The following TMBIM4 variants were observed in gnomAD, a reference collection of about 807,000 sequenced individuals.
TMBIM4 encodes the protein protein lifeguard 4.
TMBIM4 carries 28 observed loss-of-function variants against 27.7 expected under a neutral mutation model. The ratio of observed to expected loss-of-function variants is 1.01; its 90% confidence interval spans 0.75 to 1.38. The LOEUF is 1.38. Ranked by LOEUF, TMBIM4 falls within the 40% of genes most tolerant of loss-of-function variation. TMBIM4 has a pLI of 0.00. For missense variants in TMBIM4, 265 were observed against 277.5 expected, an observed-to-expected ratio of 0.95 and a Z score of 0.32; for synonymous variants, 115 against 113.1, an observed-to-expected ratio of 1.02 and a Z score of -0.11.
At chr12:66,156,206 A>C (rs934039786) in intron 1 of TMBIM4, among the ~76,000 whole-genome samples, 17 of 152,202 alleles carry the variant, frequency 1.1e-4, no homozygotes, top group African/African-American at 3.4e-4. Flanking sequence ...AAGATTTTCC[A>C]ATTTTTGTTG....
chr12:66,150,654 A>T (rs1344216750), intron 3 of TMBIM4, among the ~76,000 whole-genome samples: 2 of 151,924 alleles, frequency 1.3e-5, no homozygotes, highest in African/African-American at 4.8e-5. Context: ...CTCAAGCAAC[A>T]TGCCTGCCCC....
rs1266213939 is a variant in TMBIM4 at position 66,155,374 on chromosome 12, C to G, written c.98-1926G>C. Among the ~76,000 whole-genome samples the G allele has an allele frequency of 2.2e-5, 2 of 92,648 alleles. 1 individual carries two copies. The highest frequency in any genetic ancestry group is 8.7e-4 in the South Asian group (2 of 2,290). The allele number at this position is 92,648 out of a possible 152,430, so 60.8% of individuals were successfully genotyped here. A position where few individuals can be genotyped will look rare whatever the true frequency, so the allele number is the denominator to read the frequency against. ...AGAGAGAGAGAGGCAGGGTCTCACT[C>G]TGTCACCCAGGCTTAAGTGCAGTGG... is the stretch of plus-strand genomic sequence containing the variant. On this transcript the variant is annotated intron_variant, in intron 1 of 6. Coordinates refer to ENST00000358230, the MANE Select transcript of TMBIM4 (RefSeq NM_016056.4).
chr12:66,166,464 C>CAA (rs59822799), intron 1 of TMBIM4, among the ~76,000 whole-genome samples: 4,279 of 100,316 alleles, frequency 0.043, 290 homozygotes, highest in African/African-American at 0.15. Context: ...TACTTTGTCT[C>CAA]AAAAAAAAAA....
chr12:66,167,602 G>A (rs1285907395), intron 1 of TMBIM4, among the ~76,000 whole-genome samples: 1 of 152,138 alleles, frequency 6.6e-6, no homozygotes, highest in Non-Finnish European at 1.5e-5. Flanking sequence ...AGAAAGAAAA[G>A]AACGGAATGT....
chr12:66,149,461 AAAAG>A (rs1441263001), intron 3 of TMBIM4, among the ~76,000 whole-genome samples: 22 of 151,272 alleles, frequency 1.5e-4, no homozygotes, highest in Admixed American at 4.0e-4. Flanking sequence ...AAAAAAAAAA[AAAAG>A]AAAGAAAGAA....
rs1453851444 is a variant in TMBIM4 at position 66,138,017 on chromosome 12, A to C, written c.660T>G (p.Asp220Glu). ...ACAGGTGCAGGAATAGATTGATGAT[A>C]TCCAAGTAGAGGCTGATGGCAGCTA... ...YVLAAISLYL[D>E]IINLFLHLLR... Residue 220 changes from aspartate (D) to glutamate (E), a missense_variant, in exon 7 of 7, where the codon GAT (aspartate) becomes GAG (glutamate). By Grantham distance (45) the Asp-to-Glu change is conservative. Coordinates refer to ENST00000358230, the MANE Select transcript of TMBIM4 (RefSeq NM_016056.4). 2 of 1,614,098 alleles carry C rather than the reference A, an allele frequency of 1.2e-6. No homozygotes were observed. The highest frequency in any genetic ancestry group is 1.1e-5 in the South Asian group (1 of 91,080).
rs544152868 is a variant in TMBIM4 at position 66,147,997 on chromosome 12, T to C, written c.313-56A>G. 1.3e-4 allele frequency: 192 copies of C among 1,508,328 alleles called. No homozygotes were observed. In the African/African-American group the frequency reaches 2.4e-3, roughly 19 times the overall value. The allele number at this position is 1,508,328 out of a possible 1,614,324, so 93.4% of individuals were successfully genotyped here. A position where few individuals can be genotyped will look rare whatever the true frequency, so the allele number is the denominator to read the frequency against. Reference sequence around the variant, plus strand: ...TAAAATTTATACTATCTCATGTACATTTTCTAATTTCTAGCAGCTTAATGT... The same window carrying C: ...TAAAATTTATACTATCTCATGTACACTTTCTAATTTCTAGCAGCTTAATGT... On this transcript the variant is annotated intron_variant, in intron 3 of 6. Transcript: ENST00000358230.
Position 66,145,843 on chromosome 12 carries a change from T to G in TMBIM4, c.462A>C (p.Ala154=), listed in dbSNP as rs1441112456. ...ATCCAAGAATATATACAACTTACCC[T>G]GCTCCAAATTTGCTGAAATCCTTCT... The part of the protein sequence containing the change: ...QSKKDFSKFG[A]GLFALLWILC... The change falls in exon 5 of 7, where the codon GCA becomes GCC. Residue 154 remains alanine, a splice_region_variant and synonymous_variant. Transcript: ENST00000358230. 4 of 1,551,944 alleles carry G rather than the reference T, an allele frequency of 2.6e-6. No homozygotes were observed. Among genetic ancestry groups the G allele is most frequent in the Non-Finnish European group, 3.5e-6 (4 of 1,129,364 alleles).
chr12:66,143,294 A>G (rs1233833527), intron 5 of TMBIM4, among the ~76,000 whole-genome samples: 2 of 152,216 alleles, frequency 1.3e-5, no homozygotes, highest in African/African-American at 4.8e-5. Flanking sequence ...TGATTTTGCT[A>G]TTCTAACAAC....
chr12:66,156,431 C>T lies in TMBIM4; in HGVS notation c.98-2983G>A, dbSNP rs115504324. Among the ~76,000 whole-genome samples the T allele has an allele frequency of 3.5e-3, 529 of 152,300 alleles. 1 individual carries two copies. Among genetic ancestry groups the T allele is most frequent in the African/African-American group, 0.012 (501 of 41,558 alleles). On this transcript the variant is annotated intron_variant, in intron 1 of 6. Transcript: ENST00000358230. Reference sequence around the variant, plus strand: ...TGTAGTTCTACCTTTGAAAGTACAACGTATCTGCCTCTTTTGGTCTCCTCT... The same window carrying T: ...TGTAGTTCTACCTTTGAAAGTACAATGTATCTGCCTCTTTTGGTCTCCTCT...
intron 1 of TMBIM4, among the ~76,000 whole-genome samples, chr12:66,158,081 C>T (rs1016302596): frequency 1.3e-5 from 2 of 151,648 alleles, no homozygotes; most frequent in African/African-American, 4.8e-5. Context: ...AAAAACTTAG[C>T]TGGGCGTGGT....
intron 4 of TMBIM4, among the ~76,000 whole-genome samples, chr12:66,147,556 A>G (rs537407397): frequency 9.8e-5 from 15 of 152,362 alleles, no homozygotes; most frequent in Admixed American, 4.6e-4. Context: ...AGTTAAGCTC[A>G]TACATATGAT....
intron 1 of TMBIM4, among the ~76,000 whole-genome samples, chr12:66,159,730 C>G (rs2052003604): frequency 6.6e-6 from 1 of 152,162 alleles, no homozygotes. Flanking sequence ...ACCCTAAACG[C>G]TAGTTTCTAC....
rs1049633082 is a variant in TMBIM4 at position 66,137,438 on chromosome 12, C to T, written c.*522G>A. The T allele has an allele frequency of 6.6e-6, 1 of 151,872 alleles. No homozygotes were observed. Among genetic ancestry groups the T allele is most frequent in the Admixed American group, 6.6e-5 (1 of 15,258 alleles). The allele number at this position is 151,872 out of a possible 1,614,324, so 9.4% of individuals were successfully genotyped here. ...TTGAGACTGAGTCTCGCTCTGTCAC[C>T]AGGCTGGAATGCAGTGGCGTGATCT... On this transcript the variant is annotated 3_prime_UTR_variant, in exon 7 of 7. Transcript: ENST00000358230.
chr12:66,145,655 A>G (rs1241334547), intron 5 of TMBIM4, among the ~76,000 whole-genome samples, 186 bp downstream of exon 5: 1 of 152,104 alleles, frequency 6.6e-6, no homozygotes, highest in African/African-American at 2.4e-5. Flanking sequence ...AATAAGTCAA[A>G]GCCACTTTCC....
intron 1 of TMBIM4, among the ~76,000 whole-genome samples, chr12:66,158,675 C>G (rs2051987636): frequency 2.6e-5 from 4 of 151,742 alleles, no homozygotes. Context: ...AACAATAGGG[C>G]TTTTGAGAAG....
chr12:66,150,071 G>A (rs2051819848), intron 3 of TMBIM4, among the ~76,000 whole-genome samples: 1 of 152,196 alleles, frequency 6.6e-6, no homozygotes, highest in Non-Finnish European at 1.5e-5. Flanking sequence ...AACAATCAGT[G>A]ATTATCTTGC....
chr12:66,164,506 G>A (rs2052094088), intron 1 of TMBIM4, among the ~76,000 whole-genome samples: 1 of 152,210 alleles, frequency 6.6e-6, no homozygotes, highest in Non-Finnish European at 1.5e-5. Context: ...AGGAACCACA[G>A]ATAAATTGGA....
At chr12:66,149,436 C>G (rs1389523429) in intron 3 of TMBIM4, among the ~76,000 whole-genome samples, 1 of 136,158 alleles carries the variant, frequency 7.3e-6, no homozygotes, top group Non-Finnish European at 1.6e-5. Context: ...CAGAGAGAGA[C>G]CCTGTCTCAA....
Sources: allele counts gnomAD v4.1 joint callset (sites outside exome capture counted in the v4.1 genomes callset), GRCh38; gene constraint gnomAD v4.1.1; transcripts MANE v1.5; gene names NCBI Gene and HGNC (gene_info 2026-07-23, HGNC 2026-07-21).